PPP1R13L: variants seen among roughly 807,000 people sequenced by gnomAD.
The protein encoded by PPP1R13L is relA-associated inhibitor.
In PPP1R13L, 50 loss-of-function variants were observed where a neutral mutation model predicts 80.9. The observed-to-expected ratio is 0.62, with a 90% CI of 0.49 to 0.78. The LOEUF is 0.78. PPP1R13L is among the 30% of genes least tolerant of loss of function. The pLI is 0.00. For synonymous variants in PPP1R13L, 602 were observed against 534.3 expected, an observed-to-expected ratio of 1.13 and a Z score of -1.75; for missense variants, 1,200 against 1,205.9, an observed-to-expected ratio of 1.00 and a Z score of 0.07.
intron 12 of PPP1R13L, 93 bp from the exon 13 acceptor site, chr19:45,380,321 C>G: frequency 6.9e-6 from 10 of 1,443,848 alleles, no homozygotes; most frequent in Non-Finnish European, 9.7e-6. Context: ...CCACCCCTTC[C>G]TAAGGGGACC....
chr19:45,399,337 A>C (rs1206871912), intron 1 of PPP1R13L, among the ~76,000 whole-genome samples: 1 of 150,432 alleles, frequency 6.6e-6, no homozygotes, highest in African/African-American at 2.4e-5. Context: ...TAGTAAAAAC[A>C]ATATCCGCCG....
chr19:45,388,999 A>G (rs1450609747), intron 8 of PPP1R13L, among the ~76,000 whole-genome samples: 1 of 152,166 alleles, frequency 6.6e-6, no homozygotes, highest in Non-Finnish European at 1.5e-5. Flanking sequence ...CGGCCTCCCA[A>G]GGTGCTGGGA....
chr19:45,392,017 C>T lies in PPP1R13L; in HGVS notation c.1678G>A (p.Gly560Arg), dbSNP rs747862057. The T allele has an allele frequency of 8.0e-5, 123 of 1,540,622 alleles. 1 individual carries two copies. The highest frequency in any genetic ancestry group is 2.7e-4 in the East Asian group (12 of 44,194). ...LFHRHGGPGPGGPEPELSPIT... is the reference protein window; with the variant it reads ...LFHRHGGPGPRGPEPELSPIT... ...GGGGACAGCTCTGGCTCCGGCCCCC[C>T]GGGCCCTGGCCCCCCATGACGATGG... Residue 560 changes from glycine (G) to arginine (R), a missense_variant, in exon 8 of 13, where the codon GGG (glycine) becomes AGG (arginine). Physicochemically the swap from Gly to Arg is moderately radical, Grantham distance 125 (BLOSUM62 -2). Coordinates refer to ENST00000360957, the MANE Select transcript of PPP1R13L (RefSeq NM_006663.4).
rs752139688 is a variant in PPP1R13L at position 45,380,228 on chromosome 19, G to A, written c.2449C>T (p.Leu817=). ...CTTTGAGGCTTCACCCTGGGGAACAGCTGGGGAGAGACAGGATCTTCAGAC... is the reference window on the plus strand; with the variant it reads ...CTTTGAGGCTTCACCCTGGGGAACAACTGGGGAGAGACAGGATCTTCAGAC... ...EGYVPRNYFG[L]FPRVKPQRSK... is the part of the protein sequence containing the mutation. Residue 817 remains leucine, a splice_region_variant and synonymous_variant, in exon 13 of 13, where the codon CTG becomes TTG. Transcript: ENST00000360957. The A allele has an allele frequency of 6.2e-7, 1 of 1,614,038 alleles. No individual in the cohort carries two copies. Among genetic ancestry groups the A allele is most frequent in the Admixed American group, 1.7e-5 (1 of 59,994 alleles).
intron 8 of PPP1R13L, among the ~76,000 whole-genome samples, chr19:45,388,011 A>G (rs890155128): frequency 6.6e-6 from 1 of 151,914 alleles, no homozygotes; most frequent in Non-Finnish European, 1.5e-5. Context: ...TCTACTAAAA[A>G]TACAAAAATT....
rs756669221 is a variant in PPP1R13L, at chr19:45,397,031, G to A, written c.226C>T (p.Pro76Ser). The change falls in exon 4 of 13, where the codon CCT becomes TCT. Residue 76 changes from proline (P) to serine (S), a missense_variant. By Grantham distance (74) the Pro-to-Ser change is moderately conservative. Around this residue, in one of 5 missense-constraint regions of PPP1R13L, gnomAD observed 764 missense variants for 714.5 expected, o/e 1.07. Transcript: ENST00000360957. ...GACCCTCGGCTGCCGAAGGGCTCAG[G>A]GATCGAGCTGGAGCTGTACCGGGGC... is the stretch of plus-strand genomic sequence containing the variant. ...RPPRYSSSSI[P>S]EPFGSRGSPR... The A allele has an allele frequency of 5.2e-6, 7 of 1,357,568 alleles. No individual in the cohort carries two copies. Among genetic ancestry groups the A allele is most frequent in the South Asian group, 3.8e-5 (2 of 52,432 alleles). 84.1% of individuals were successfully genotyped at this position (1,357,568 alleles called of 1,614,324 possible). A position where few individuals can be genotyped will look rare whatever the true frequency, so the allele number is the denominator to read the frequency against.
intron 1 of PPP1R13L, among the ~76,000 whole-genome samples, chr19:45,399,429 C>T (rs1258407118): frequency 1.4e-5 from 2 of 146,634 alleles, no homozygotes; most frequent in Non-Finnish European, 3.0e-5. Flanking sequence ...GCGAGACCAT[C>T]CTGGCTAACA....
In PPP1R13L at chr19:45,396,700, C is replaced by A; in HGVS notation, c.557G>T (p.Gly186Val). ...CTGGGGCCCCTCCGCCAGGGGGCTG[C>A]CGCGGGGGGAGCCTGCGCGGCCCAG... ...DFLGRAGSPR[G>V]SPLAEGPQAF... Residue 186 changes from glycine to valine, a missense_variant, in exon 4 of 13, where the codon GGC (glycine) becomes GTC (valine). Around this residue, in one of 5 missense-constraint regions of PPP1R13L, gnomAD observed 764 missense variants for 714.5 expected, o/e 1.07. Transcript: ENST00000360957. The surrounding 1 kb of genome is among the most constrained non-coding windows in gnomAD (Gnocchi z 5.3). 7.1e-7 allele frequency: 1 copy of A among 1,409,548 alleles called. No individual in the cohort carries two copies. Among genetic ancestry groups the A allele is most frequent in the Non-Finnish European group, 9.2e-7 (1 of 1,091,732 alleles). The allele number at this position is 1,409,548 out of a possible 1,614,324, so 87.3% of individuals were successfully genotyped here.
In PPP1R13L at chr19:45,396,229, G is replaced by C. The variant is rs774782626; in HGVS notation, c.842C>G (p.Pro281Arg). 1.4e-5 allele frequency: 22 copies of C among 1,609,754 alleles called. No individual in the cohort carries two copies. Among genetic ancestry groups the C allele is most frequent in the Non-Finnish European group, 1.2e-5 (14 of 1,179,262 alleles). ...RLDVFARPAS[P>R]SLQLLPWRES... ...CCTCCAAGGCAACAGCTGCAGGCTC[G>C]GCGAGGCAGGCCTTGCGAAGACGTC... The change falls in exon 6 of 13, where the codon CCG (proline) becomes CGG (arginine). Residue 281 changes from proline (P) to arginine (R), a missense_variant. This residue lies in a region of PPP1R13L where 764 missense variants were observed against 714.5 expected (regional missense o/e 1.07). Transcript: ENST00000360957. The surrounding 1 kb of genome is among the most constrained non-coding windows in gnomAD (Gnocchi z 5.3).
intron 11 of PPP1R13L, among the ~76,000 whole-genome samples, chr19:45,385,232 C>T (rs928128384): frequency 2.0e-5 from 3 of 152,218 alleles, no homozygotes; most frequent in African/African-American, 7.2e-5. Flanking sequence ...CCCACCTGCC[C>T]AGAGCCCTAT....
In PPP1R13L at chr19:45,395,834, G is replaced by A; in HGVS notation, c.956C>T (p.Ala319Val). ...GCCCGCGTCTGAACGCCGGTCGCTGGCCAGAGGAGAGACCTTGTAATTGCG... is the reference window on the plus strand; with the variant it reads ...GCCCGCGTCTGAACGCCGGTCGCTGACCAGAGGAGAGACCTTGTAATTGCG... The part of the protein sequence containing the change: ...LPRNYKVSPL[A>V]SDRRSDAGSY... The change falls in exon 7 of 13, where the codon GCC becomes GTC. Residue 319 changes from alanine (A) to valine (V), a missense_variant. Transcript: ENST00000360957. The A allele has an allele frequency of 6.3e-7, 1 of 1,597,170 alleles. No individual in the cohort carries two copies. The highest frequency in any genetic ancestry group is 1.3e-5 in the African/African-American group (1 of 74,856).
Position 45,398,059 on chromosome 19 carries a change from C to A in PPP1R13L, c.144G>T (p.Ser48=). The A allele has an allele frequency of 1.2e-6, 2 of 1,614,128 alleles. No individual in the cohort carries two copies. Among genetic ancestry groups the A allele is most frequent in the South Asian group, 1.1e-5 (1 of 91,080 alleles). ...KVDELTKQLE[S]LWSDSPAPPG... ...GAGGCGCGGGAGAGTCTGACCACAG[C>A]GACTCCAGCTGCTTGGTCAGTTCAT... Residue 48 remains serine, a synonymous_variant, in exon 3 of 13, where the codon TCG becomes TCT. Transcript: ENST00000360957.
intron 1 of PPP1R13L, among the ~76,000 whole-genome samples, chr19:45,403,311 C>T (rs976942389): frequency 6.6e-6 from 1 of 151,704 alleles, no homozygotes; most frequent in Non-Finnish European, 1.5e-5. Flanking sequence ...ATTTTTTTTT[C>T]CCCTAAAAGG....
chr19:45,387,864 T>TA (rs756643238), intron 8 of PPP1R13L, among the ~76,000 whole-genome samples: 30 of 152,238 alleles, frequency 2.0e-4, no homozygotes, highest in South Asian at 6.2e-4. Context: ...AATTTCATTT[T>TA]AAAAGACTAG....
chr19:45,394,264 TG>T (rs1973036461), intron 7 of PPP1R13L, among the ~76,000 whole-genome samples: 1 of 151,946 alleles, frequency 6.6e-6, no homozygotes, highest in African/African-American at 2.4e-5. Flanking sequence ...CCTGAGTAGC[TG>T]GGACTACAGG....
intron 8 of PPP1R13L, among the ~76,000 whole-genome samples, chr19:45,390,365 T>C (rs34231843): frequency 0.082 from 12,530 of 152,150 alleles, 704 homozygotes; most frequent in East Asian, 0.27. Context: ...AATAGCTAGA[T>C]GACCTTGGCG....
chr19:45,400,003 G>A (rs61290696), intron 1 of PPP1R13L, among the ~76,000 whole-genome samples: 2,755 of 151,794 alleles, frequency 0.018, 93 homozygotes, highest in African/African-American at 0.062. Flanking sequence ...GAGAAATGCC[G>A]TGCACCGAAA....
At position 45,396,370 on chromosome 19, in the gene PPP1R13L, TC is replaced by T; in HGVS notation, c.778del (p.Glu260ArgfsTer115). ...WNESDLDVAY[E>X]KKPSQTASYE... ...GCTCGCTGTCTGCGAAGGCTTCTTC[TC>T]GTACGCCACGTCCAGGTCAGACTCG... is the stretch of plus-strand genomic sequence containing the variant. On this transcript the variant is annotated frameshift_variant, in exon 5 of 13. Coordinates refer to ENST00000360957, the MANE Select transcript of PPP1R13L (RefSeq NM_006663.4). LOFTEE classifies it high-confidence loss of function. This position sits in a 1 kb window ranked among gnomAD's most constrained non-coding sequence, Gnocchi z 5.3. 6.2e-7 allele frequency: 1 copy of T among 1,614,108 alleles called. No homozygotes were observed. The highest frequency in any genetic ancestry group is 8.5e-7 in the Non-Finnish European group (1 of 1,180,000).
rs755832133 is a variant in PPP1R13L at position 45,396,339 on chromosome 19, T to C, written c.810A>G (p.Glu270=). ...ATTCCCCGGGCCTCCACCACTCACG[T>C]TCATAGCTCGCTGTCTGCGAAGGCT... The part of the protein sequence containing the change: ...EKKPSQTASY[E]RLDVFARPAS... The change falls in exon 5 of 13, where the codon GAA becomes GAG. Residue 270 remains glutamate (E), a splice_region_variant and synonymous_variant. Coordinates refer to ENST00000360957, the MANE Select transcript of PPP1R13L (RefSeq NM_006663.4). The surrounding 1 kb of genome is among the most constrained non-coding windows in gnomAD (Gnocchi z 5.3). 10 of 1,614,084 alleles carry C rather than the reference T, an allele frequency of 6.2e-6. No homozygotes were observed. Among genetic ancestry groups the C allele is most frequent in the Middle Eastern group, 1.6e-4 (1 of 6,062 alleles).
Sources: gnomAD v4.1 joint callset for allele counts (sites outside exome capture counted in the v4.1 genomes callset) on GRCh38, gnomAD v4.1.1 for gene constraint, gnomAD v4.1.1 regional missense constraint, Gnocchi (gnomAD v3.1) non-coding constraint, MANE v1.5 for transcripts, NCBI Gene and HGNC (gene_info 2026-07-23, HGNC 2026-07-21) for gene names.